Variants in RGS7 observed in about 807,000 individuals in gnomAD.
RGS7 encodes the protein regulator of G protein signaling 7, also known as regulator of G-protein signaling 7.
RGS7 carries 27 observed loss-of-function variants against 81.1 expected under a neutral mutation model. The observed-to-expected ratio is 0.33, with a 90% CI of 0.25 to 0.46. RGS7 has a LOEUF of 0.46. Among genes scored for constraint, RGS7 ranks in the 20% least tolerant of loss-of-function variants. The pLI is 1.00. For missense variants in RGS7, 396 were observed against 607.4 expected (o/e 0.65, Z 3.66); for synonymous variants, 208 against 207.7 (o/e 1.00, Z -0.01).
chr1:241,060,105 T>C (rs1269588142), intron 3 of RGS7, among the ~76,000 whole-genome samples: 1 of 152,156 alleles, frequency 6.6e-6, no homozygotes, highest in Non-Finnish European at 1.5e-5. Flanking sequence ...TCTACTCTAT[T>C]CTTTATACAT....
At chr1:241,105,143 C>A (rs2065020499) in intron 2 of RGS7, among the ~76,000 whole-genome samples, 1 of 152,154 alleles carries the variant, frequency 6.6e-6, no homozygotes, top group South Asian at 2.1e-4. Flanking sequence ...GCAGATACTC[C>A]AGCTTACTTG....
In RGS7 at chr1:241,330,101, G is replaced by A. The variant is rs552186997; in HGVS notation, c.78+25598C>T. ...ACTACAGGTGCCCGGCACCACACTCGGATAATTTTTTGTATTTTTAGCAGA... is the reference window on the plus strand; with the variant it reads ...ACTACAGGTGCCCGGCACCACACTCAGATAATTTTTTGTATTTTTAGCAGA... On this transcript the variant is annotated intron_variant, in intron 2 of 18. Transcript: ENST00000440928. Among the ~76,000 whole-genome samples, 72 of 152,134 alleles carry A rather than the reference G, an allele frequency of 4.7e-4. 1 individual carries two copies. The highest frequency in any genetic ancestry group is 3.4e-3 in the Middle Eastern group (1 of 294).
At chr1:240,949,847 C>CAA (rs57421740) in intron 4 of RGS7, among the ~76,000 whole-genome samples, 2,051 of 91,114 alleles carry the variant, frequency 0.023, 128 homozygotes, top group African/African-American at 0.067. Context: ...GACTCTGACT[C>CAA]AAAAAAAAAA....
In RGS7 at chr1:241,294,830, G is replaced by A. The variant is rs146919561; in HGVS notation, c.78+60869C>T. Reference sequence around the variant, plus strand: ...TTCCAGGTTTGTAGCCTAGGAGCAGGCTATACCATAAAGTCCAGGTGTGTA... The same window carrying A: ...TTCCAGGTTTGTAGCCTAGGAGCAGACTATACCATAAAGTCCAGGTGTGTA... On this transcript the variant is annotated intron_variant, in intron 2 of 18. Transcript: ENST00000440928. Among the ~76,000 whole-genome samples the A allele has an allele frequency of 3.4e-4, 51 of 152,222 alleles. No homozygotes were observed. In the East Asian group the frequency reaches 9.5e-3, roughly 28 times the overall value.
chr1:240,957,438 T>A (rs1353263763), intron 4 of RGS7, among the ~76,000 whole-genome samples: 3 of 152,194 alleles, frequency 2.0e-5, no homozygotes, highest in African/African-American at 7.2e-5. Context: ...TGGCCTATCA[T>A]GGGACTTCAC....
intron 2 of RGS7, among the ~76,000 whole-genome samples, chr1:241,166,085 C>T (rs6683031): frequency 0.18 from 27,174 of 152,078 alleles, 3,098 homozygotes; most frequent in African/African-American, 0.31. Flanking sequence ...TGGAGAACAT[C>T]TGGGGGTGGG....
intron 3 of RGS7, among the ~76,000 whole-genome samples, chr1:241,067,749 A>C (rs975860483): frequency 2.6e-5 from 4 of 152,030 alleles, no homozygotes; most frequent in African/African-American, 9.7e-5. Flanking sequence ...TCCTGACCTC[A>C]GGTGATCCAC....
intron 3 of RGS7, among the ~76,000 whole-genome samples, chr1:241,012,466 A>G (rs1441933105): frequency 6.6e-6 from 1 of 152,154 alleles, no homozygotes; most frequent in Non-Finnish European, 1.5e-5. Context: ...ATAACCAGGA[A>G]GTGTTCAGTT....
Position 240,776,202 on chromosome 1 carries a change from G to A in RGS7, c.*18C>T. ...CAAGGCTTGTTAACCTCTTGGACGT[G>A]AGAGATTTCCCCTGAGAAAATATAT... On this transcript the variant is annotated 3_prime_UTR_variant, in exon 19 of 19. Transcript: ENST00000440928. 6.2e-7 allele frequency: 1 copy of A among 1,610,254 alleles called. No homozygotes were observed. Among genetic ancestry groups the A allele is most frequent in the Non-Finnish European group, 8.5e-7 (1 of 1,176,512 alleles).
At chr1:241,041,560 TCTCC>T (rs2060617454) in intron 3 of RGS7, among the ~76,000 whole-genome samples, 1 of 152,036 alleles carries the variant, frequency 6.6e-6, no homozygotes, top group African/African-American at 2.4e-5. Flanking sequence ...AAGTAAAAAT[TCTCC>T]CTGTCTAGTG....
At chr1:241,216,021 C>T (rs57335326) in intron 2 of RGS7, among the ~76,000 whole-genome samples, 44,706 of 152,026 alleles carry the variant, frequency 0.29, 7,729 homozygotes, top group East Asian at 0.59. Context: ...CCTGTCATCC[C>T]AGCACTTTGG....
At chr1:241,015,260 T>C (rs1422001248) in intron 3 of RGS7, among the ~76,000 whole-genome samples, 1 of 152,186 alleles carries the variant, frequency 6.6e-6, no homozygotes, top group Non-Finnish European at 1.5e-5. Flanking sequence ...AATTTCAAGT[T>C]TCATTATGTT....
intron 2 of RGS7, among the ~76,000 whole-genome samples, chr1:241,317,702 T>C (rs894293017): frequency 1.9e-4 from 29 of 152,188 alleles, no homozygotes; most frequent in Non-Finnish European, 3.7e-4. Context: ...TTTGAAAATA[T>C]CATGGAATAA....
chr1:241,295,603 T>C (rs2079377381), intron 2 of RGS7, among the ~76,000 whole-genome samples: 1 of 152,158 alleles, frequency 6.6e-6, no homozygotes, highest in African/African-American at 2.4e-5. Flanking sequence ...GTTGGAGAAC[T>C]GGGATGTGTG....
chr1:241,264,665 A>C (rs2077495056), intron 2 of RGS7, among the ~76,000 whole-genome samples: 1 of 152,228 alleles, frequency 6.6e-6, no homozygotes, highest in Non-Finnish European at 1.5e-5. Flanking sequence ...ATAATTATGA[A>C]GTCTCCAGTA....
intron 2 of RGS7, among the ~76,000 whole-genome samples, chr1:241,342,833 G>C (rs1230825072): frequency 6.6e-6 from 1 of 152,208 alleles, no homozygotes; most frequent in Non-Finnish European, 1.5e-5. Flanking sequence ...ACACCCATTA[G>C]GATGACTATT....
intron 2 of RGS7, among the ~76,000 whole-genome samples, chr1:241,165,551 A>G (rs1269203397): frequency 2.7e-5 from 4 of 149,062 alleles, no homozygotes; most frequent in African/African-American, 7.4e-5. Flanking sequence ...AACACCGCAT[A>G]TTCTCACTCA....
At position 241,162,222 on chromosome 1, in the gene RGS7, G is replaced by GCCCCCCCCCGCGCCC. The variant is rs68166816; in HGVS notation, c.79-63461_79-63460insGGGCGCGGGGGGGGG. 7.7e-4 allele frequency among the ~76,000 whole-genome samples: 110 copies of GCCCCCCCCCGCGCCC among 142,028 alleles called. 2 individuals are homozygous for GCCCCCCCCCGCGCCC. Among genetic ancestry groups the GCCCCCCCCCGCGCCC allele is most frequent in the Non-Finnish European group, 2.8e-4 (18 of 64,416 alleles). The allele number at this position is 142,028 out of a possible 152,430, so 93.2% of individuals were successfully genotyped here. On this transcript the variant is annotated intron_variant, in intron 2 of 18. Transcript: ENST00000440928. ...ATAAAACACCTGAAACTGGTGATCA[G>GCCCCCCCCCGCGCCC]CTTCCAAATAAGATCTCAGAAGTTG... is the stretch of plus-strand genomic sequence containing the variant.
In RGS7 at chr1:240,800,791, G is replaced by T. The variant is rs913670935; in HGVS notation, c.1414-70C>A. ...ATGTCAGAAAGTTCCAAAGGCACTG[G>T]CACAATACAAAAAAAAGAATCTTAC... On this transcript the variant is annotated intron_variant, in intron 17 of 18. Coordinates refer to ENST00000440928, the MANE Select transcript of RGS7 (RefSeq NM_001364886.1). 17 of 811,140 alleles carry T rather than the reference G, an allele frequency of 2.1e-5. No homozygotes were observed. The African/African-American group carries it at 2.5e-4, about 12-fold the overall frequency. The allele number at this position is 811,140 out of a possible 1,614,324, so 50.2% of individuals were successfully genotyped here. A position where few individuals can be genotyped will look rare whatever the true frequency, so the allele number is the denominator to read the frequency against.
Sources: gnomAD v4.1 joint callset for allele counts (sites outside exome capture counted in the v4.1 genomes callset) on GRCh38, gnomAD v4.1.1 for gene constraint, MANE v1.5 for transcripts, NCBI Gene and HGNC (gene_info 2026-07-23, HGNC 2026-07-21) for gene names.